SYNE1: variants seen among roughly 807,000 people sequenced by gnomAD.
SYNE1 encodes the protein nesprin-1.
Under a neutral mutation model 1,111.0 loss-of-function variants are expected in SYNE1, and 616 were observed. That is an observed-to-expected ratio of 0.55 (90% CI 0.52 to 0.59). The LOEUF (loss-of-function observed/expected upper bound fraction) is 0.59. Among genes scored for constraint, SYNE1 ranks in the 20% least tolerant of loss-of-function variants. SYNE1 has a pLI of 0.00. For synonymous variants in SYNE1, 3,855 were observed against 3,825.8 expected, an observed-to-expected ratio of 1.01 and a Z score of -0.28; for missense variants, 10,006 against 10,417.0, an observed-to-expected ratio of 0.96 and a Z score of 1.72.
At chr6:152,545,778 T>C (rs1030749197) in intron 3 of SYNE1, among the ~76,000 whole-genome samples, 2 of 152,172 alleles carry the variant, frequency 1.3e-5, no homozygotes, top group African/African-American at 4.8e-5. Flanking sequence ...GCCTAATAGG[T>C]TTCTTTAATG....
chr6:152,141,412 C>A (rs186303755), intron 138 of SYNE1, 83 bp from the exon 139 acceptor site: 54 of 1,582,922 alleles, frequency 3.4e-5, no homozygotes, highest in Non-Finnish European at 3.6e-5. Flanking sequence ...TTTGTAATTT[C>A]TCAGCAAGAG....
chr6:152,202,352 AAAAAAAAAAAAAAAAAAGC>A (rs1341434344), intron 126 of SYNE1, among the ~76,000 whole-genome samples: 3 of 125,216 alleles, frequency 2.4e-5, no homozygotes, highest in Non-Finnish European at 4.7e-5. Context: ...GTCTCAAAAA[AAAAAAAAAAAAAAAAAAGC>A]AAAAAAAAAA....
intron 6 of SYNE1, among the ~76,000 whole-genome samples, chr6:152,511,803 A>G (rs1361239658): frequency 6.6e-6 from 1 of 152,176 alleles, no homozygotes; most frequent in African/African-American, 2.4e-5. Context: ...TGACATATAA[A>G]GCATTAAGGA....
intron 131 of SYNE1, among the ~76,000 whole-genome samples, chr6:152,158,893 T>C (rs571195286): frequency 1.3e-5 from 2 of 152,312 alleles, no homozygotes; most frequent in South Asian, 4.1e-4. Flanking sequence ...AACCCTAAGA[T>C]TTGAGGGGAT....
Position 152,407,109 on chromosome 6 carries a change from C to A in SYNE1, c.6628G>T (p.Glu2210Ter), listed in dbSNP as rs1417491327. The stretch of plus-strand genomic sequence containing the variant: ...GGAACGCAGTTGTTTGACCATCCCT[C>A]AATCTCATCTCTAGTTGACAGTACA... The part of the protein sequence containing the change: ...DDVLSTRDEI[E>*]GWSNNCVPQM... The change falls in exon 45 of 146, where the codon GAG (glutamate) becomes TAG (stop). Residue 2210 changes from glutamate (E) to a stop codon, truncating the protein, a stop_gained. Coordinates refer to ENST00000367255, the MANE Select transcript of SYNE1 (RefSeq NM_182961.4). LOFTEE classifies it high-confidence loss of function. 6.2e-7 allele frequency: 1 copy of A among 1,614,006 alleles called. No individual in the cohort carries two copies. Among genetic ancestry groups the A allele is most frequent in the Non-Finnish European group, 8.5e-7 (1 of 1,180,000 alleles).
In SYNE1 at chr6:152,214,892, CTT is replaced by C. The variant is rs2078278930; in HGVS notation, c.22346+12_22346+13del. Reference sequence around the variant, plus strand: ...GACAACTGGAGCAACCAAGACATCTCTTGTTTACTCTACCTGAATCTTTCTGT... The same window carrying C: ...GACAACTGGAGCAACCAAGACATCTCGTTTACTCTACCTGAATCTTTCTGT... On this transcript the variant is annotated intron_variant, in intron 122 of 145. Coordinates refer to ENST00000367255, the MANE Select transcript of SYNE1 (RefSeq NM_182961.4). 1 of 1,614,054 alleles carries C rather than the reference CTT, an allele frequency of 6.2e-7. No individual in the cohort carries two copies. Among genetic ancestry groups the C allele is most frequent in the Non-Finnish European group, 8.5e-7 (1 of 1,179,954 alleles).
At chr6:152,418,414 C>A (rs1298547422) in intron 40 of SYNE1, among the ~76,000 whole-genome samples, 1 of 152,146 alleles carries the variant, frequency 6.6e-6, no homozygotes, top group Non-Finnish European at 1.5e-5. Context: ...GTTGCTTTTC[C>A]CTGCCACAGA....
Position 152,225,739 on chromosome 6 carries a change from C to T in SYNE1, c.21333G>A (p.Trp7111Ter). 6.2e-7 allele frequency: 1 copy of T among 1,613,994 alleles called. No individual in the cohort carries two copies. The highest frequency in any genetic ancestry group is 8.5e-7 in the Non-Finnish European group (1 of 1,179,974). ...ATATTACCATGTGATCTAAATTTGC[C>T]CAGGTTTGGCCGAGCTCTCGCAGTG... Reference protein sequence around the residue: ...MSTLRELGQTWANLDHMVGQL... With the variant: ...MSTLRELGQT The change falls in exon 116 of 146, where the codon TGG (tryptophan) becomes TGA (stop). Residue 7111 changes from tryptophan to a stop codon, truncating the protein, a stop_gained. Transcript: ENST00000367255. LOFTEE classifies it high-confidence loss of function.
intron 103 of SYNE1, 29 bp downstream of exon 103, chr6:152,255,562 C>T (rs1025493510): frequency 1.9e-6 from 3 of 1,612,680 alleles, no homozygotes; most frequent in African/African-American, 2.7e-5. Flanking sequence ...TAATGTTATA[C>T]ACACACAGGC....
chr6:152,303,715 G>A (rs1455560832), intron 91 of SYNE1, among the ~76,000 whole-genome samples: 1 of 152,170 alleles, frequency 6.6e-6, no homozygotes, highest in Admixed American at 6.5e-5. Context: ...CAATGTAGAT[G>A]CTATGCATTA....
intron 44 of SYNE1, among the ~76,000 whole-genome samples, chr6:152,408,436 T>G (rs551783336): frequency 6.6e-6 from 1 of 152,222 alleles, no homozygotes; most frequent in African/African-American, 2.4e-5. Context: ...TGGTGTAATA[T>G]TCTATAGAAT....
At chr6:152,451,282 A>AC in intron 25 of SYNE1, 77 bp from the exon 26 acceptor site, 1 of 1,491,480 alleles carries the variant, frequency 6.7e-7, no homozygotes, top group South Asian at 1.1e-5. Flanking sequence ...GTGGCAAAAA[A>AC]AAAAACAAAA....
At chr6:152,174,786 C>T (rs1472783381) in intron 130 of SYNE1, among the ~76,000 whole-genome samples, 1 of 152,170 alleles carries the variant, frequency 6.6e-6, no homozygotes, top group Non-Finnish European at 1.5e-5. Flanking sequence ...AAGGCCACCT[C>T]AAAGGACATT....
chr6:152,226,237 G>A (rs187073989), intron 115 of SYNE1, among the ~76,000 whole-genome samples: 153 of 152,140 alleles, frequency 1.0e-3, no homozygotes, highest in South Asian at 9.1e-3. Flanking sequence ...AAAAAGTTAC[G>A]CTGCCTACCT....
intron 95 of SYNE1, among the ~76,000 whole-genome samples, chr6:152,291,146 G>A (rs4448107): frequency 0.03 from 3,372 of 111,556 alleles, 235 homozygotes; most frequent in African/African-American, 0.053. Context: ...ATTAATATAT[G>A]CAATTATATT....
Position 152,435,945 on chromosome 6 carries a change from C to T in SYNE1, c.4306G>A (p.Glu1436Lys). The change falls in exon 33 of 146, where the codon GAA (glutamate) becomes AAA (lysine). Residue 1436 changes from glutamate to lysine, a missense_variant. By Grantham distance (56) the Glu-to-Lys change is moderately conservative. Around this residue, in one of 7 missense-constraint regions of SYNE1, gnomAD observed 1,971 missense variants for 2,084.1 expected, o/e 0.95. Transcript: ENST00000367255. Reference sequence around the variant, plus strand: ...TAGGACTTGTCAATCACATACTCTTCTTCAAGCGTGTCTTCTAATTTTTTG... The same window carrying T: ...TAGGACTTGTCAATCACATACTCTTTTTCAAGCGTGTCTTCTAATTTTTTG... ...QVKKLEDTLEEDIKTMEMVKT... is the reference protein window; with the variant it reads ...QVKKLEDTLEKDIKTMEMVKT... The T allele has an allele frequency of 1.2e-6, 2 of 1,614,128 alleles. No individual in the cohort carries two copies. Among genetic ancestry groups the T allele is most frequent in the Non-Finnish European group, 1.7e-6 (2 of 1,180,004 alleles).
chr6:152,432,656 A>C (rs1445342591), intron 34 of SYNE1, among the ~76,000 whole-genome samples: 1 of 152,178 alleles, frequency 6.6e-6, no homozygotes, highest in Non-Finnish European at 1.5e-5. Context: ...AATGAATTAT[A>C]GAAAAAATAA....
chr6:152,176,583 A>G (rs780593706), intron 129 of SYNE1, 23 bp from the exon 130 acceptor site: 3 of 1,612,196 alleles, frequency 1.9e-6, no homozygotes, highest in East Asian at 2.2e-5. Context: ...TAGCAATCAC[A>G]GAGGTCAGAA....
At chr6:152,453,447 T>C (rs777362127) in intron 25 of SYNE1, 139 bp downstream of exon 25, 57 of 1,253,368 alleles carry the variant, frequency 4.5e-5, no homozygotes, top group Non-Finnish European at 6.3e-5. Flanking sequence ...TAAGTCCAGT[T>C]TTTTGAGTTT....
Sources: allele counts gnomAD v4.1 joint callset (sites outside exome capture counted in the v4.1 genomes callset), GRCh38; gene constraint gnomAD v4.1.1; regional missense constraint gnomAD v4.1.1; transcripts MANE v1.5; gene names NCBI Gene and HGNC (gene_info 2026-07-23, HGNC 2026-07-21).